Variants in PSMD12 observed in about 807,000 individuals in gnomAD.
The protein encoded by PSMD12 is 26S proteasome non-ATPase regulatory subunit 12.
PSMD12 carries 8 observed loss-of-function variants against 62.9 expected under a neutral mutation model. The observed-to-expected ratio is 0.13, with a 90% CI of 0.07 to 0.23. PSMD12 has a LOEUF of 0.23. Ranked by LOEUF, PSMD12 falls within the 10% of genes least tolerant of loss-of-function variation. The probability of loss-of-function intolerance (pLI) is 1.00; values close to 1 mark genes in which losing one functional copy is unlikely to be tolerated. For synonymous variants in PSMD12, 173 were observed against 187.4 expected (o/e 0.92, Z 0.63); for missense variants, 424 against 550.2 (o/e 0.77, Z 2.29).
intron 3 of PSMD12, among the ~76,000 whole-genome samples, chr17:67,356,101 T>C (rs1304015663): frequency 6.6e-6 from 1 of 152,114 alleles, no homozygotes; most frequent in African/African-American, 2.4e-5. Flanking sequence ...GGTTGGGTCA[T>C]CCTGGAAATG....
At chr17:67,344,454 A>G in intron 9 of PSMD12, 152 bp downstream of exon 9, 1 of 724,132 alleles carries the variant, frequency 1.4e-6, no homozygotes, top group Non-Finnish European at 2.2e-6. Context: ...ATCCTAAGTG[A>G]AGAATTAAAC....
rs1465077848 is a variant in PSMD12, at chr17:67,338,137, A to C, written c.*2706T>G. 1 of 152,208 alleles carries C rather than the reference A, an allele frequency of 6.6e-6. No individual in the cohort carries two copies. Among genetic ancestry groups the C allele is most frequent in the East Asian group, 1.9e-4 (1 of 5,196 alleles). 9.4% of individuals were successfully genotyped at this position (152,208 alleles called of 1,614,324 possible). The stretch of plus-strand genomic sequence containing the variant: ...GGATAATCATAGAAACAGCTATTGA[A>C]CTCTAAAATAAAAAAATTATATGGA... On this transcript the variant is annotated 3_prime_UTR_variant, in exon 11 of 11. Transcript: ENST00000356126.
At chr17:67,342,706 G>T (rs1461695314) in intron 9 of PSMD12, among the ~76,000 whole-genome samples, 1 of 152,076 alleles carries the variant, frequency 6.6e-6, no homozygotes, top group African/African-American at 2.4e-5. Flanking sequence ...GGAGGCTGAG[G>T]CAAGAAGACT....
rs2143675463 is a variant in PSMD12 at position 67,340,167 on chromosome 17, T to G, written c.*676A>C. 6.7e-6 allele frequency: 1 copy of G among 148,822 alleles called. No homozygotes were observed. The highest frequency in any genetic ancestry group is 2.0e-4 in the East Asian group (1 of 5,078). The allele number at this position is 148,822 out of a possible 1,614,324, so 9.2% of individuals were successfully genotyped here. ...CACCCAATAAACTGTGTCAATTATG[T>G]CAGCTGATTCTGTTGAACAACTGAT... On this transcript the variant is annotated 3_prime_UTR_variant, in exon 11 of 11. Coordinates refer to ENST00000356126, the MANE Select transcript of PSMD12 (RefSeq NM_002816.5).
At chr17:67,363,893 T>C (rs2042156268) in intron 1 of PSMD12, among the ~76,000 whole-genome samples, 1 of 151,774 alleles carries the variant, frequency 6.6e-6, no homozygotes, top group South Asian at 2.1e-4. Flanking sequence ...CTACTAAAAA[T>C]ACAAAATAAG....
intron 4 of PSMD12, 100 bp downstream of exon 4, chr17:67,350,129 A>C (rs2042003619): frequency 2.8e-6 from 2 of 710,430 alleles, no homozygotes; most frequent in East Asian, 6.2e-5. Flanking sequence ...TCTTTAAAAA[A>C]TAAACATAAA....
intron 9 of PSMD12, among the ~76,000 whole-genome samples, chr17:67,343,099 G>A (rs2041930805): frequency 6.6e-6 from 1 of 151,966 alleles, no homozygotes; most frequent in Non-Finnish European, 1.5e-5. Flanking sequence ...CTTATTGGTA[G>A]TATTATTAAC....
At chr17:67,357,226 G>A (rs2143723885) in intron 3 of PSMD12, 77 bp downstream of exon 3, 1 of 1,479,620 alleles carries the variant, frequency 6.8e-7, no homozygotes, top group African/African-American at 1.4e-5. Context: ...ATTTTAAACA[G>A]ACTTATAGAA....
chr17:67,342,696 G>T (rs1371536218), intron 9 of PSMD12, among the ~76,000 whole-genome samples: 1 of 152,056 alleles, frequency 6.6e-6, no homozygotes, highest in Non-Finnish European at 1.5e-5. Flanking sequence ...CAGCACTTTG[G>T]GAGGCTGAGG....
At chr17:67,343,460 G>A (rs990341788) in intron 9 of PSMD12, among the ~76,000 whole-genome samples, 2 of 152,126 alleles carry the variant, frequency 1.3e-5, no homozygotes, top group East Asian at 3.9e-4. Flanking sequence ...CACTCTCAGA[G>A]GGACTTGGTG....
chr17:67,349,607 T>A (rs2070998652), intron 4 of PSMD12, among the ~76,000 whole-genome samples: 2 of 152,236 alleles, frequency 1.3e-5, no homozygotes, highest in Non-Finnish European at 2.9e-5. Context: ...TGTAGTCCAA[T>A]GTCTTCAATT....
At chr17:67,342,033 A>C (rs953111806) in intron 10 of PSMD12, among the ~76,000 whole-genome samples, 153 bp downstream of exon 10, 4 of 152,234 alleles carry the variant, frequency 2.6e-5, no homozygotes, top group African/African-American at 9.6e-5. Flanking sequence ...TTGATACTTA[A>C]GTTAGTTTTT....
chr17:67,351,871 G>T (rs551529980), intron 3 of PSMD12, among the ~76,000 whole-genome samples: 1 of 151,468 alleles, frequency 6.6e-6, no homozygotes, highest in Admixed American at 6.6e-5. Flanking sequence ...GGCTGAGGCC[G>T]GCGGATCACG....
intron 3 of PSMD12, among the ~76,000 whole-genome samples, chr17:67,351,226 C>T (rs1051872954): frequency 6.6e-6 from 1 of 151,784 alleles, no homozygotes; most frequent in Non-Finnish European, 1.5e-5. Context: ...CCCGTCTCTA[C>T]TAAAAATACA....
rs556792812 is a variant in PSMD12 at position 67,348,741 on chromosome 17, T to C, written c.406-87A>G. Reference sequence around the variant, plus strand: ...GGCTGGGTATGTTGGCTCACACCTGTAATCCTGACATTTTGGAAGGCTGAG... The same window carrying C: ...GGCTGGGTATGTTGGCTCACACCTGCAATCCTGACATTTTGGAAGGCTGAG... On this transcript the variant is annotated intron_variant, in intron 4 of 10. Coordinates refer to ENST00000356126, the MANE Select transcript of PSMD12 (RefSeq NM_002816.5). 1.3e-5 allele frequency: 15 copies of C among 1,123,826 alleles called. No homozygotes were observed. The African/African-American group carries it at 2.3e-4, about 18-fold the overall frequency. 69.6% of individuals were successfully genotyped at this position (1,123,826 alleles called of 1,614,324 possible).
intron 1 of PSMD12, among the ~76,000 whole-genome samples, chr17:67,361,913 AGG>A (rs2042133397): frequency 8.2e-6 from 1 of 121,604 alleles, no homozygotes; most frequent in African/African-American, 2.9e-5. Context: ...AAAAAAAGGA[AGG>A]AAGGAAGGGA....
At chr17:67,345,689 T>A (rs1328192762) in intron 8 of PSMD12, 56 bp downstream of exon 8, 1 of 1,464,162 alleles carries the variant, frequency 6.8e-7, no homozygotes, top group Non-Finnish European at 9.5e-7. Context: ...TAGCCAATTT[T>A]CTTTCAAAAT....
In PSMD12 at chr17:67,357,417, T is replaced by C. The variant is rs2143724441; in HGVS notation, c.183A>G (p.Val61=). The C allele has an allele frequency of 6.2e-7, 1 of 1,613,768 alleles. No homozygotes were observed. Among genetic ancestry groups the C allele is most frequent in the Non-Finnish European group, 8.5e-7 (1 of 1,179,682 alleles). Residue 61 remains valine (V), a synonymous_variant, in exon 3 of 11, where the codon GTA becomes GTG. Coordinates refer to ENST00000356126, the MANE Select transcript of PSMD12 (RefSeq NM_002816.5). ...EKQTRTASDM[V]STSRILVAVV... is the part of the protein sequence containing the mutation. ...CTGCAACTAAGATACGGGATGTCGA[T>C]ACCATATCGGAAGCCTGTAAGGGTA...
chr17:67,342,343 T>C, intron 9 of PSMD12, 80 bp from the exon 10 acceptor site: 2 of 921,758 alleles, frequency 2.2e-6, no homozygotes, highest in South Asian at 3.1e-5. Context: ...CATATCCAAG[T>C]AAGTTTACTT....
Sources: allele counts gnomAD v4.1 joint callset (sites outside exome capture counted in the v4.1 genomes callset), GRCh38; gene constraint gnomAD v4.1.1; transcripts MANE v1.5; gene names NCBI Gene and HGNC (gene_info 2026-07-23, HGNC 2026-07-21).